Variants in CACNA2D1 observed in about 807,000 individuals in gnomAD.
CACNA2D1 encodes the protein voltage-dependent calcium channel subunit alpha-2/delta-1.
Under a neutral mutation model 171.5 loss-of-function variants are expected in CACNA2D1, and 53 were observed. The observed-to-expected ratio is 0.31, with a 90% CI of 0.25 to 0.39. The LOEUF (loss-of-function observed/expected upper bound fraction) is 0.39, where lower values mean the gene tolerates loss of function less well. Among genes scored for constraint, CACNA2D1 ranks in the 10% least tolerant of loss-of-function variants. The pLI, the probability that CACNA2D1 is intolerant of heterozygous loss-of-function variation, is 1.00. For synonymous variants in CACNA2D1, 442 were observed against 443.1 expected (o/e 1.00, Z 0.03); for missense variants, 903 against 1,299.8 (o/e 0.69, Z 4.69).
intron 7 of CACNA2D1, among the ~76,000 whole-genome samples, chr7:82,084,230 T>C (rs1478252725): frequency 2.6e-5 from 4 of 152,190 alleles, no homozygotes. Context: ...TTCATCTTCA[T>C]TGAGTATGTA....
chr7:82,289,781 T>C (rs1426737112), intron 3 of CACNA2D1, among the ~76,000 whole-genome samples: 1 of 152,262 alleles, frequency 6.6e-6, no homozygotes, highest in Non-Finnish European at 1.5e-5. Flanking sequence ...TTTCTAATGT[T>C]TATATCCCTA....
At chr7:82,075,533 G>A (rs1354336481) in intron 7 of CACNA2D1, among the ~76,000 whole-genome samples, 4 of 152,118 alleles carry the variant, frequency 2.6e-5, no homozygotes, top group South Asian at 2.1e-4. Flanking sequence ...AGACAAAAAC[G>A]TGAAGTCTGA....
intron 1 of CACNA2D1, among the ~76,000 whole-genome samples, chr7:82,377,696 C>T (rs1823179589): frequency 2.6e-5 from 4 of 152,186 alleles, no homozygotes; most frequent in Non-Finnish European, 2.9e-5. Context: ...CTTTCTGCCC[C>T]TTGCCACATG....
chr7:82,290,831 G>A (rs1985441), intron 3 of CACNA2D1, among the ~76,000 whole-genome samples: 16,251 of 151,618 alleles, frequency 0.11, 1,944 homozygotes, highest in African/African-American at 0.29. Flanking sequence ...CCCGACCTCA[G>A]GTGATCCACT....
intron 38 of CACNA2D1, among the ~76,000 whole-genome samples, chr7:81,956,514 C>A (rs1270948311): frequency 2.6e-5 from 4 of 152,024 alleles, no homozygotes; most frequent in Admixed American, 2.6e-4. Context: ...AATAATAATT[C>A]AAATAATTGC....
chr7:82,111,550 T>C (rs1287260012), intron 6 of CACNA2D1, among the ~76,000 whole-genome samples: 1 of 148,642 alleles, frequency 6.7e-6, no homozygotes, highest in East Asian at 2.0e-4. Context: ...TGGGCTCACA[T>C]GAACCTCCAA....
chr7:82,443,755 G>A lies in CACNA2D1; in HGVS notation c.-296C>T. On this transcript the variant is annotated 5_prime_UTR_variant, in exon 1 of 39. Coordinates refer to ENST00000356860, the MANE Select transcript of CACNA2D1 (RefSeq NM_000722.4). ...TTTGGAAACAGACCTCGGCGAGCCC[G>A]CCGGCGCTCGCGCGCTCTCGCTCTC... The A allele has an allele frequency of 2.6e-6, 3 of 1,156,390 alleles. No homozygotes were observed. Among genetic ancestry groups the A allele is most frequent in the South Asian group, 4.4e-5 (1 of 22,896 alleles). 71.6% of individuals were successfully genotyped at this position (1,156,390 alleles called of 1,614,324 possible). A position where few individuals can be genotyped will look rare whatever the true frequency, so the allele number is the denominator to read the frequency against.
intron 12 of CACNA2D1, among the ~76,000 whole-genome samples, chr7:82,014,724 A>G (rs955596866): frequency 6.6e-6 from 1 of 152,162 alleles, no homozygotes; most frequent in Admixed American, 6.5e-5. Context: ...TCCAATCCTC[A>G]GGCAGGAGTA....
intron 7 of CACNA2D1, among the ~76,000 whole-genome samples, chr7:82,074,124 T>C (rs1808670404): frequency 6.6e-6 from 1 of 152,356 alleles, no homozygotes; most frequent in African/African-American, 2.4e-5. Flanking sequence ...CTTTGGATGG[T>C]CTGAATGTCA....
chr7:81,992,702 A>AG (rs1797673421), intron 20 of CACNA2D1, among the ~76,000 whole-genome samples: 1 of 152,220 alleles, frequency 6.6e-6, no homozygotes, highest in Admixed American at 6.5e-5. Flanking sequence ...TTGTAATAAA[A>AG]TAATCAAACG....
chr7:82,237,791 T>C, intron 3 of CACNA2D1, among the ~76,000 whole-genome samples: 1 of 152,090 alleles, frequency 6.6e-6, no homozygotes, highest in Middle Eastern at 3.4e-3. Flanking sequence ...CTTTGTTATA[T>C]ATTAAAAAGA....
chr7:81,978,753 G>GTGCGTGTGTATATA (rs145105210), intron 24 of CACNA2D1, among the ~76,000 whole-genome samples: 22 of 139,472 alleles, frequency 1.6e-4, no homozygotes, highest in South Asian at 1.3e-3. Flanking sequence ...TTTAAAAAGT[G>GTGCGTGTGTATATA]TATATATATA....
chr7:82,292,726 T>C (rs1811801490), intron 3 of CACNA2D1, among the ~76,000 whole-genome samples: 1 of 152,160 alleles, frequency 6.6e-6, no homozygotes. Flanking sequence ...CTTGTCAACG[T>C]CCTGTTCATT....
rs554919863 is a variant in CACNA2D1 at position 82,052,926 on chromosome 7, A to G, written c.879+7502T>C. 8.5e-5 allele frequency among the ~76,000 whole-genome samples: 13 copies of G among 152,282 alleles called. No individual in the cohort carries two copies. The East Asian group carries it at 2.5e-3, about 29-fold the overall frequency. ...ACAGGGTTGCTGTAAAGACTAAACAAATTACTATGAAAAACACTTAGAACA... is the reference window on the plus strand; with the variant it reads ...ACAGGGTTGCTGTAAAGACTAAACAGATTACTATGAAAAACACTTAGAACA... On this transcript the variant is annotated intron_variant, in intron 10 of 38. Transcript: ENST00000356860.
intron 1 of CACNA2D1, among the ~76,000 whole-genome samples, chr7:82,412,249 T>C (rs1827751551): frequency 6.6e-6 from 1 of 151,536 alleles, no homozygotes; most frequent in Non-Finnish European, 1.5e-5. Flanking sequence ...TACATATTTG[T>C]AACTGTGTTC....
intron 3 of CACNA2D1, among the ~76,000 whole-genome samples, chr7:82,302,812 T>C (rs1405479615): frequency 6.6e-6 from 1 of 152,290 alleles, no homozygotes; most frequent in African/African-American, 2.4e-5. Flanking sequence ...TAATTATATA[T>C]GTAGACAAAT....
rs1801782343 is a variant in CACNA2D1, at chr7:82,025,565, G to A, written c.1143+7232C>T. ...AATGAGCTTTTTGAAGTCCTTTAGT[G>A]TCTTCTATATTTAGATCATGTCATC... On this transcript the variant is annotated intron_variant, in intron 12 of 38. Coordinates refer to ENST00000356860, the MANE Select transcript of CACNA2D1 (RefSeq NM_000722.4). 2.0e-5 allele frequency among the ~76,000 whole-genome samples: 3 copies of A among 151,530 alleles called. No individual in the cohort carries two copies. In the Admixed American group the frequency reaches 2.0e-4, roughly 10 times the overall value.
At chr7:82,280,194 T>G (rs1809900225) in intron 3 of CACNA2D1, among the ~76,000 whole-genome samples, 1 of 152,214 alleles carries the variant, frequency 6.6e-6, no homozygotes, top group Admixed American at 6.5e-5. Flanking sequence ...GTATGATATT[T>G]TATTGTTAGA....
chr7:82,393,613 A>G (rs1825439560), intron 1 of CACNA2D1, among the ~76,000 whole-genome samples: 1 of 152,198 alleles, frequency 6.6e-6, no homozygotes, highest in Non-Finnish European at 1.5e-5. Context: ...GCTTCCAACA[A>G]TTAAAATCCA....
Sources: allele counts gnomAD v4.1 joint callset (sites outside exome capture counted in the v4.1 genomes callset), GRCh38; gene constraint gnomAD v4.1.1; transcripts MANE v1.5; gene names NCBI Gene and HGNC (gene_info 2026-07-23, HGNC 2026-07-21).